CKAP5: variants seen among roughly 807,000 people sequenced by gnomAD.
The protein encoded by CKAP5 is cytoskeleton associated protein 5.
A neutral mutation model predicts 232.8 loss-of-function variants in CKAP5; 27 were observed. The ratio of observed to expected loss-of-function variants is 0.12; its 90% CI spans 0.09 to 0.16. The LOEUF (loss-of-function observed/expected upper bound fraction) is 0.16, where lower values mean the gene tolerates loss of function less well. CKAP5 is among the 10% of genes least tolerant of loss of function. The probability of loss-of-function intolerance (pLI) is 1.00; values close to 1 mark genes in which losing one functional copy is unlikely to be tolerated. For missense variants in CKAP5, 1,838 were observed against 2,424.7 expected (o/e 0.76, Z 5.08); for synonymous variants, 785 against 841.1 (o/e 0.93, Z 1.16).
rs759450365 is a variant in CKAP5 at position 46,753,293 on chromosome 11, T to C, written c.5057+17A>G. 75 of 1,577,696 alleles carry C rather than the reference T, an allele frequency of 4.8e-5. No individual in the cohort carries two copies. Among genetic ancestry groups the C allele is most frequent in the Non-Finnish European group, 5.9e-5 (69 of 1,165,304 alleles). On this transcript the variant is annotated intron_variant, in intron 37 of 43. Transcript: ENST00000529230. ...CGAGGATGCCCCAGGCTCTATTGGC[T>C]GAGAGTACAGATATACCTCAGGATG...
At chr11:46,838,313 T>A (rs1012963384) in intron 1 of CKAP5, among the ~76,000 whole-genome samples, 1 of 152,208 alleles carries the variant, frequency 6.6e-6, no homozygotes, top group Admixed American at 6.5e-5. Context: ...TAAGACTAAT[T>A]GAGACTGTTA....
At chr11:46,830,142 A>G (rs1452825579) in intron 1 of CKAP5, among the ~76,000 whole-genome samples, 1 of 151,984 alleles carries the variant, frequency 6.6e-6, no homozygotes, top group Non-Finnish European at 1.5e-5. Context: ...GGGATCAGAG[A>G]AAGATTAGAA....
At chr11:46,752,161 C>CATATATATATATATATATATATAT (rs142364564) in intron 38 of CKAP5, among the ~76,000 whole-genome samples, 8 of 88,844 alleles carry the variant, frequency 9.0e-5, no homozygotes, top group African/African-American at 1.2e-4. Context: ...AAGACCAATT[C>CATATATATATATATATATATATAT]ATATATATAT....
At chr11:46,793,740 C>T (rs537146307) in intron 13 of CKAP5, among the ~76,000 whole-genome samples, 22 of 152,182 alleles carry the variant, frequency 1.4e-4, no homozygotes, top group Admixed American at 9.8e-4. Context: ...TTGGCCAACA[C>T]GGCAAAACCC....
At chr11:46,779,770 C>G (rs1245871481) in intron 20 of CKAP5, among the ~76,000 whole-genome samples, 6 of 151,990 alleles carry the variant, frequency 3.9e-5, no homozygotes, top group Non-Finnish European at 1.5e-5. Flanking sequence ...CAGGCATGTG[C>G]CACTATGCCT....
At chr11:46,747,772 G>A (rs1040597465) in intron 42 of CKAP5, among the ~76,000 whole-genome samples, 3 of 151,982 alleles carry the variant, frequency 2.0e-5, no homozygotes, top group Non-Finnish European at 2.9e-5. Flanking sequence ...GAAACAACCA[G>A]GGGGAGGCCA....
At chr11:46,799,137 C>T (rs903804135) in intron 9 of CKAP5, among the ~76,000 whole-genome samples, 30 of 152,110 alleles carry the variant, frequency 2.0e-4, no homozygotes, top group African/African-American at 6.8e-4. Context: ...GTAGGTAGGC[C>T]TCAGGTATAT....
In CKAP5 at chr11:46,790,478, C is replaced by G. The variant is rs1787636692; in HGVS notation, c.1756G>C (p.Glu586Gln). ...GLETKEIVEPELSIEVCEEKA... is the reference protein window; with the variant it reads ...GLETKEIVEPQLSIEVCEEKA... ...AGTGTGTTAATACTGACCGAGAGCTCAGGCTCCACTATTTCTTTAGTCTCC... is the reference window on the plus strand; with the variant it reads ...AGTGTGTTAATACTGACCGAGAGCTGAGGCTCCACTATTTCTTTAGTCTCC... Residue 586 changes from glutamate (E) to glutamine (Q), a missense_variant, in exon 14 of 44, where the codon GAG becomes CAG. Glu to Gln is a conservative substitution (Grantham distance 29). Around this residue, in one of 6 missense-constraint regions of CKAP5, gnomAD observed 767 missense variants for 954.6 expected, o/e 0.80. Transcript: ENST00000529230. 1 of 1,610,994 alleles carries G rather than the reference C, an allele frequency of 6.2e-7. No homozygotes were observed. Among genetic ancestry groups the G allele is most frequent in the Non-Finnish European group, 8.5e-7 (1 of 1,177,272 alleles).
At chr11:46,752,183 TATATATATATAC>T (rs1380544145) in intron 38 of CKAP5, among the ~76,000 whole-genome samples, 2 of 65,662 alleles carry the variant, frequency 3.0e-5, no homozygotes, top group African/African-American at 9.2e-5. Flanking sequence ...TATATATATA[TATATATATATAC>T]ACACACACAC....
rs949954227 is a variant in CKAP5, at chr11:46,787,566, G to A, written c.1968+1115C>T. 1.1e-4 allele frequency among the ~76,000 whole-genome samples: 16 copies of A among 152,050 alleles called. No homozygotes were observed. In the East Asian group the frequency reaches 2.5e-3, roughly 24 times the overall value. On this transcript the variant is annotated intron_variant, in intron 16 of 43. Coordinates refer to ENST00000529230, the MANE Select transcript of CKAP5 (RefSeq NM_001008938.4). Reference sequence around the variant, plus strand: ...AATGGGGCTATACAATTGATTATGTGGTAAATTTTCACTGGCAATTTAAGG... The same window carrying A: ...AATGGGGCTATACAATTGATTATGTAGTAAATTTTCACTGGCAATTTAAGG...
At chr11:46,750,221 T>C in intron 42 of CKAP5, 53 bp downstream of exon 42, 1 of 1,551,966 alleles carries the variant, frequency 6.4e-7, no homozygotes, top group Non-Finnish European at 8.7e-7. Context: ...TTCAGGTTCC[T>C]GTGCTAGGAG....
rs1163128557 is a variant in CKAP5, at chr11:46,784,688, G to A, written c.1969-15C>T. On this transcript the variant is annotated splice_polypyrimidine_tract_variant and intron_variant, in intron 16 of 43. Transcript: ENST00000529230. ...ATTTGCATCACCTGAACAAGGATCAGTATCATAAAGCTAAGAGCAAGCCAA... is the reference window on the plus strand; with the variant it reads ...ATTTGCATCACCTGAACAAGGATCAATATCATAAAGCTAAGAGCAAGCCAA... 3 of 1,604,054 alleles carry A rather than the reference G, an allele frequency of 1.9e-6. No individual in the cohort carries two copies. Among genetic ancestry groups the A allele is most frequent in the Non-Finnish European group, 2.6e-6 (3 of 1,172,454 alleles).
intron 16 of CKAP5, 27 bp from the exon 17 acceptor site, chr11:46,784,700 T>C: frequency 6.4e-7 from 1 of 1,572,890 alleles, no homozygotes; most frequent in Non-Finnish European, 8.7e-7. Flanking sequence ...ATCATAAAGC[T>C]AAGAGCAAGC....
intron 42 of CKAP5, among the ~76,000 whole-genome samples, chr11:46,746,747 A>G (rs2065025077): frequency 6.6e-6 from 1 of 152,224 alleles, no homozygotes; most frequent in Non-Finnish European, 1.5e-5. Context: ...CTTTATAAAC[A>G]CTGTACACTT....
intron 22 of CKAP5, 102 bp downstream of exon 22, chr11:46,778,037 A>T (rs2065305619): frequency 1.1e-6 from 1 of 918,554 alleles, no homozygotes; most frequent in Non-Finnish European, 1.6e-6. Flanking sequence ...CAAAGCAAAT[A>T]AAGTAACCAC....
intron 1 of CKAP5, among the ~76,000 whole-genome samples, chr11:46,840,385 C>T (rs1940024283): frequency 6.6e-6 from 1 of 152,140 alleles, no homozygotes; most frequent in African/African-American, 2.4e-5. Context: ...GTGTGACAGA[C>T]ATTAAGCATC....
intron 25 of CKAP5, 115 bp downstream of exon 25, chr11:46,770,673 C>T: frequency 1.1e-6 from 1 of 901,768 alleles, no homozygotes; most frequent in Non-Finnish European, 1.7e-6. Flanking sequence ...AGGTAATCCA[C>T]CTGTCTCGGC....
chr11:46,796,637 A>T (rs1457445956), intron 12 of CKAP5, among the ~76,000 whole-genome samples, 175 bp downstream of exon 12: 1 of 152,122 alleles, frequency 6.6e-6, no homozygotes, highest in Non-Finnish European at 1.5e-5. Context: ...ACCAGAGAGC[A>T]TCCTCCAAAA....
chr11:46,814,220 T>C (rs1436386801), intron 4 of CKAP5, among the ~76,000 whole-genome samples: 2 of 151,370 alleles, frequency 1.3e-5, no homozygotes, highest in African/African-American at 2.4e-5. Flanking sequence ...GATATAAGCA[T>C]AGTTCTGATA....
Sources: allele counts gnomAD v4.1 joint callset (sites outside exome capture counted in the v4.1 genomes callset), GRCh38; gene constraint gnomAD v4.1.1; regional missense constraint gnomAD v4.1.1; transcripts MANE v1.5; gene names NCBI Gene and HGNC (gene_info 2026-07-23, HGNC 2026-07-21).